NAV1: variants seen among roughly 807,000 people sequenced by gnomAD.
NAV1 encodes the protein neuron navigator 1.
A neutral mutation model predicts 175.2 loss-of-function variants in NAV1; 18 were observed. The ratio of observed to expected loss-of-function variants is 0.10; its 90% CI spans 0.07 to 0.15. NAV1 has a LOEUF of 0.15. NAV1 is among the 10% of genes least tolerant of loss of function. The pLI is 1.00. For missense variants in NAV1, 1,731 were observed against 2,436.6 expected, an observed-to-expected ratio of 0.71 and a Z score of 6.10; for synonymous variants, 897 against 978.7, an observed-to-expected ratio of 0.92 and a Z score of 1.56.
At chr1:201,668,692 C>T (rs1010446270) in intron 1 of NAV1, among the ~76,000 whole-genome samples, 2 of 152,086 alleles carry the variant, frequency 1.3e-5, no homozygotes, top group East Asian at 1.9e-4. Context: ...CCGAGAGCCA[C>T]CTCTGTAGTG....
chr1:201,720,388 C>T (rs1214468930), intron 3 of NAV1, among the ~76,000 whole-genome samples: 1 of 152,202 alleles, frequency 6.6e-6, no homozygotes, highest in Non-Finnish European at 1.5e-5. Context: ...TGATAGGACC[C>T]CTGCCCAGCA....
At position 201,718,381 on chromosome 1, in the gene NAV1, T is replaced by C. The variant is rs1672226167; in HGVS notation, c.861-9T>C. ...AAGGACTAAGTAGTGCCTTCTGCTC[T>C]CCACCCAGCTCCCTGGAGATGACCT... On this transcript the variant is annotated splice_polypyrimidine_tract_variant and intron_variant, in intron 2 of 29. Transcript: ENST00000367296. The surrounding 1 kb of genome is among the most constrained non-coding windows in gnomAD (Gnocchi z 4.8). The C allele has an allele frequency of 6.6e-7, 1 of 1,525,644 alleles. No individual in the cohort carries two copies. Among genetic ancestry groups the C allele is most frequent in the Admixed American group, 2.0e-5 (1 of 49,414 alleles). 94.5% of individuals were successfully genotyped at this position (1,525,644 alleles called of 1,614,324 possible). A position where few individuals can be genotyped will look rare whatever the true frequency, so the allele number is the denominator to read the frequency against.
rs773436579 is a variant in NAV1 at position 201,756,828 on chromosome 1, CTT to C, written c.1227-23591_1227-23590del. 5.9e-3 allele frequency among the ~76,000 whole-genome samples: 127 copies of C among 21,346 alleles called. 1 individual carries two copies. Among genetic ancestry groups the C allele is most frequent in the Middle Eastern group, 0.071 (1 of 14 alleles). The allele number at this position is 21,346 out of a possible 152,430, so 14.0% of individuals were successfully genotyped here. A position where few individuals can be genotyped will look rare whatever the true frequency, so the allele number is the denominator to read the frequency against. ...TCTTTCCTTCTTTCTTTCTTTCTTT[CTT>C]TCTTTCTTTCTTTCTTTCTTTCTTT... On this transcript the variant is annotated intron_variant, in intron 3 of 29. Coordinates refer to ENST00000367296, the Ensembl canonical transcript of NAV1.
At chr1:201,753,852 AAAG>A (rs1310291914) in intron 3 of NAV1, among the ~76,000 whole-genome samples, 1 of 152,194 alleles carries the variant, frequency 6.6e-6, no homozygotes, top group Non-Finnish European at 1.5e-5. Context: ...TTGTTACACA[AAAG>A]AAGGGACCAA....
intron 17 of NAV1, among the ~76,000 whole-genome samples, chr1:201,806,847 C>G (rs1241913594): frequency 6.6e-6 from 1 of 152,208 alleles, no homozygotes; most frequent in Non-Finnish European, 1.5e-5. Flanking sequence ...CCAAGATGCA[C>G]CACCCACCAG....
chr1:201,751,555 C>A (rs1024840219), intron 3 of NAV1, among the ~76,000 whole-genome samples: 1 of 152,136 alleles, frequency 6.6e-6, no homozygotes, highest in African/African-American at 2.4e-5. Flanking sequence ...TATGGCAATC[C>A]AATCTCATGG....
chr1:201,802,219 C>T lies in NAV1; in HGVS notation c.3518-1374C>T, dbSNP rs113532323. 2.8e-4 allele frequency among the ~76,000 whole-genome samples: 39 copies of T among 139,080 alleles called. 1 individual carries two copies. The highest frequency in any genetic ancestry group is 1.0e-3 in the African/African-American group (39 of 38,360). The allele number at this position is 139,080 out of a possible 152,430, so 91.2% of individuals were successfully genotyped here. On this transcript the variant is annotated intron_variant, in intron 15 of 29. Transcript: ENST00000367296. ...ACTCGAGAAGCTGAGGCAGGAAAAT[C>T]GTTTGAACCCAGGAGACGGAGGTTG...
chr1:201,765,381 CTTTTTTT>C (rs59583786), intron 3 of NAV1, among the ~76,000 whole-genome samples: 14 of 98,616 alleles, frequency 1.4e-4, no homozygotes, highest in African/African-American at 3.2e-4. Flanking sequence ...AGGAAATATT[CTTTTTTT>C]TTTTTTTTTT....
intron 2 of NAV1, among the ~76,000 whole-genome samples, chr1:201,612,955 G>C (rs1315915539): frequency 2.0e-5 from 3 of 152,258 alleles, no homozygotes; most frequent in East Asian, 1.9e-4. Context: ...TCTCTTGCCT[G>C]AGGTGAAGCC....
chr1:201,655,464 G>C (rs771628242), intron 1 of NAV1, among the ~76,000 whole-genome samples: 9 of 152,258 alleles, frequency 5.9e-5, no homozygotes, highest in Non-Finnish European at 1.3e-4. Flanking sequence ...GGGAGGTAGG[G>C]GGGGCCAGGC....
chr1:201,542,411 C>A (rs1304061059), intron 1 of NAV1, among the ~76,000 whole-genome samples: 1 of 152,146 alleles, frequency 6.6e-6, no homozygotes, highest in Non-Finnish European at 1.5e-5. Context: ...CCTAGTCACA[C>A]ACAAAAAATA....
chr1:201,649,211 G>A, exon 1 of NAV1: 1 of 1,612,974 alleles, frequency 6.2e-7, no homozygotes, highest in Non-Finnish European at 8.5e-7. Context: ...CCTATGCGGA[G>A]GTCAAGCCGC....
chr1:201,702,633 GA>G lies in NAV1; in HGVS notation c.758-10182del, dbSNP rs1671473690. ...GATCCACCAGCGTCGGCTCCCAAAT[GA>G]ACTGTACATTTTAAAAGGGTGAATT... On this transcript the variant is annotated intron_variant, in intron 1 of 29. Coordinates refer to ENST00000367296, the Ensembl canonical transcript of NAV1. Among the ~76,000 whole-genome samples, 5 of 150,390 alleles carry G rather than the reference GA, an allele frequency of 3.3e-5. 1 individual carries two copies. The South Asian group carries it at 1.0e-3, about 32-fold the overall frequency.
At chr1:201,675,489 A>G (rs538606560) in intron 1 of NAV1, among the ~76,000 whole-genome samples, 1 of 152,298 alleles carries the variant, frequency 6.6e-6, no homozygotes, top group East Asian at 1.9e-4. Context: ...TAGACAGTGC[A>G]CTTAGCCTGC....
In NAV1 at chr1:201,808,648, C is replaced by A; in HGVS notation, c.4038+38C>A. 1 of 1,614,222 alleles carries A rather than the reference C, an allele frequency of 6.2e-7. No individual in the cohort carries two copies. The highest frequency in any genetic ancestry group is 8.5e-7 in the Non-Finnish European group (1 of 1,180,034). On this transcript the variant is annotated intron_variant, in intron 19 of 29. Transcript: ENST00000367296. This position sits in a 1 kb window ranked among gnomAD's most constrained non-coding sequence, Gnocchi z 5.5. Reference sequence around the variant, plus strand: ...GCGGACAGCTGCAGGAAAGGGAAGACCAAGGCTTGCTGTCTGTCCAGTCTG... The same window carrying A: ...GCGGACAGCTGCAGGAAAGGGAAGAACAAGGCTTGCTGTCTGTCCAGTCTG...
At chr1:201,737,814 T>A (rs539112757) in intron 3 of NAV1, among the ~76,000 whole-genome samples, 1 of 152,298 alleles carries the variant, frequency 6.6e-6, no homozygotes, top group East Asian at 1.9e-4. Flanking sequence ...CCCCTGCTGA[T>A]GACATTCCTT....
Position 201,809,023 on chromosome 1 carries a change from C to T in NAV1, c.4208-141C>T. ...AAGACACTGAGTTGTAATGGTCCTTCAACCTTAACTACTTTTGAGTTTGGG... is the reference window on the plus strand; with the variant it reads ...AAGACACTGAGTTGTAATGGTCCTTTAACCTTAACTACTTTTGAGTTTGGG... On this transcript the variant is annotated intron_variant, in intron 20 of 29. Coordinates refer to ENST00000367296, the Ensembl canonical transcript of NAV1. 8.6e-6 allele frequency: 11 copies of T among 1,277,218 alleles called. No individual in the cohort carries two copies. The South Asian group carries it at 1.5e-4, about 17-fold the overall frequency. 79.1% of individuals were successfully genotyped at this position (1,277,218 alleles called of 1,614,324 possible).
chr1:201,594,421 G>C (rs1571837333), intron 2 of NAV1, among the ~76,000 whole-genome samples: 1 of 152,318 alleles, frequency 6.6e-6, no homozygotes, highest in East Asian at 1.9e-4. Context: ...ACCTGCGGGA[G>C]GGAGCCTTAG....
chr1:201,565,749 C>A (rs966752057), intron 1 of NAV1, among the ~76,000 whole-genome samples: 23 of 152,186 alleles, frequency 1.5e-4, no homozygotes, highest in Non-Finnish European at 7.4e-5. Context: ...CCCCCTGCCT[C>A]TCTGGGGGAA....
Sources: allele counts gnomAD v4.1 joint callset (sites outside exome capture counted in the v4.1 genomes callset), GRCh38; gene constraint gnomAD v4.1.1; non-coding constraint Gnocchi (gnomAD v3.1); transcripts MANE v1.5; gene names NCBI Gene and HGNC (gene_info 2026-07-23, HGNC 2026-07-21).